The following SRI variants were observed in gnomAD, a reference collection of about 807,000 sequenced individuals.
SRI encodes the protein 22 kDa protein.
Under a neutral mutation model 33.3 loss-of-function variants are expected in SRI, and 30 were observed. That is an observed-to-expected ratio of 0.90 (90% CI 0.67 to 1.22). SRI has a LOEUF of 1.22. Among genes scored for constraint, SRI ranks in the 50% most tolerant of loss-of-function variants. The probability of loss-of-function intolerance (pLI) is 0.00; values close to 1 mark genes in which losing one functional copy is unlikely to be tolerated. For missense variants in SRI, 243 were observed against 250.8 expected, an observed-to-expected ratio of 0.97 and a Z score of 0.21; for synonymous variants, 75 against 89.9, an observed-to-expected ratio of 0.83 and a Z score of 0.94.
At chr7:88,210,644 CTG>C (rs1168126568) in intron 4 of SRI, 6 of 495,216 alleles carry the variant, frequency 1.2e-5, no homozygotes, top group Admixed American at 6.8e-5. Flanking sequence ...ACTCTGGACT[CTG>C]TACTTGTTCT....
At chr7:88,217,285 T>C in intron 2 of SRI, 94 bp from the exon 3 acceptor site, 1 of 1,042,816 alleles carries the variant, frequency 9.6e-7, no homozygotes, top group Non-Finnish European at 1.5e-6. Context: ...ACAAAGAAAA[T>C]CAGTATCTTT....
chr7:88,222,948 T>G (rs1302808230), upstream of SRI, among the ~76,000 whole-genome samples: 1 of 151,898 alleles, frequency 6.6e-6, no homozygotes, highest in Non-Finnish European at 1.5e-5. Flanking sequence ...GGGCAAGGAC[T>G]TCATGTCCAA....
chr7:88,207,439 T>A (rs552605638), intron 7 of SRI, among the ~76,000 whole-genome samples: 3 of 152,338 alleles, frequency 2.0e-5, no homozygotes, highest in South Asian at 4.1e-4. Context: ...CAAAAATACA[T>A]GCATCTTATA....
intron 7 of SRI, among the ~76,000 whole-genome samples, chr7:88,207,249 C>T (rs1004267845): frequency 1.3e-5 from 2 of 152,154 alleles, no homozygotes; most frequent in African/African-American, 4.8e-5. Context: ...AGTCAAAGCC[C>T]ATGGTCTTTC....
chr7:88,208,269 T>A, intron 7 of SRI: 2 of 1,061,716 alleles, frequency 1.9e-6, no homozygotes, highest in Non-Finnish European at 2.4e-6. Flanking sequence ...AGCTAATAAA[T>A]ACAACAAGCT....
At chr7:88,207,176 A>AT (rs1043527221) in intron 7 of SRI, among the ~76,000 whole-genome samples, 1 of 152,208 alleles carries the variant, frequency 6.6e-6, no homozygotes, top group African/African-American at 2.4e-5. Flanking sequence ...GATTATCCCT[A>AT]TTTTAGAGAA....
In SRI at chr7:88,205,900, G is replaced by A. The variant is rs1459307172; in HGVS notation, c.*578C>T. The A allele has an allele frequency of 6.5e-6, 1 of 153,008 alleles. No homozygotes were observed. The highest frequency in any genetic ancestry group is 2.4e-5 in the African/African-American group (1 of 41,408). 9.5% of individuals were successfully genotyped at this position (153,008 alleles called of 1,614,324 possible). On this transcript the variant is annotated 3_prime_UTR_variant, in exon 8 of 8. Coordinates refer to ENST00000265729, the MANE Select transcript of SRI (RefSeq NM_003130.4). The stretch of plus-strand genomic sequence containing the variant: ...ATAATGTACAAGATTTTTAAGGAGA[G>A]TTAACAAAGGTTTAAATAGATGACA...
chr7:88,219,869 G>C, intron 1 of SRI, 107 bp downstream of exon 1: 1 of 1,377,990 alleles, frequency 7.3e-7, no homozygotes, highest in Admixed American at 2.2e-5. Context: ...GAAGGAGCCC[G>C]GGTAGCCGCC....
At chr7:88,211,874 C>A (rs1169035106) in intron 3 of SRI, among the ~76,000 whole-genome samples, 1 of 152,172 alleles carries the variant, frequency 6.6e-6, no homozygotes, top group Non-Finnish European at 1.5e-5. Flanking sequence ...CATTTTGGTA[C>A]CTCACTTATG....
In SRI at chr7:88,206,079, C is replaced by G. The variant is rs1011887801; in HGVS notation, c.*399G>C. The stretch of plus-strand genomic sequence containing the variant: ...ACCCAAGTGCGTCTATGTCATTTAC[C>G]TAAGTTTTTATGTGTGGAGTATTCT... On this transcript the variant is annotated 3_prime_UTR_variant, in exon 8 of 8. Coordinates refer to ENST00000265729, the MANE Select transcript of SRI (RefSeq NM_003130.4). The G allele has an allele frequency of 2.1e-5, 4 of 192,408 alleles. No homozygotes were observed. The highest frequency in any genetic ancestry group is 5.5e-5 in the Admixed American group (1 of 18,056). The allele number at this position is 192,408 out of a possible 1,614,324, so 11.9% of individuals were successfully genotyped here. A position where few individuals can be genotyped will look rare whatever the true frequency, so the allele number is the denominator to read the frequency against.
In SRI at chr7:88,212,947, G is replaced by A. The variant is rs1470266721; in HGVS notation, c.206-2022C>T. Among the ~76,000 whole-genome samples, 3 of 152,140 alleles carry A rather than the reference G, an allele frequency of 2.0e-5. No homozygotes were observed. In the East Asian group the frequency reaches 5.8e-4, roughly 29 times the overall value. On this transcript the variant is annotated intron_variant, in intron 3 of 7. Coordinates refer to ENST00000265729, the MANE Select transcript of SRI (RefSeq NM_003130.4). ...CACAGCGCAGAGCCAACTGTGTTGGGCTCACATGAAGGTATTGAAGGGGCT... is the reference window on the plus strand; with the variant it reads ...CACAGCGCAGAGCCAACTGTGTTGGACTCACATGAAGGTATTGAAGGGGCT...
chr7:88,211,035 A>C (rs1283200055), intron 3 of SRI, 110 bp from the exon 4 acceptor site: 4 of 862,282 alleles, frequency 4.6e-6, no homozygotes, highest in Non-Finnish European at 5.6e-6. Flanking sequence ...TTTTATTTTT[A>C]TATGCTATCA....
In SRI at chr7:88,209,341, G is replaced by T. The variant is rs753206022; in HGVS notation, c.509C>A (p.Thr170Lys). The change falls in exon 6 of 8, where the codon ACA (threonine) becomes AAA (lysine). Residue 170 changes from threonine (T) to lysine (K), a missense_variant and splice_region_variant. Coordinates refer to ENST00000265729, the MANE Select transcript of SRI (RefSeq NM_003130.4). Reference protein sequence around the residue: ...IACCVKLRALTDSFRRRDTAQ... With the variant: ...IACCVKLRALKDSFRRRDTAQ... Reference sequence around the variant, plus strand: ...TGACACGACCTTATAGAACTCACCTGTAAGAGCCCTCAGTTTGACGCAGCA... The same window carrying T: ...TGACACGACCTTATAGAACTCACCTTTAAGAGCCCTCAGTTTGACGCAGCA... The T allele has an allele frequency of 2.5e-6, 4 of 1,612,972 alleles. No homozygotes were observed. The Admixed American group carries it at 5.0e-5, about 20-fold the overall frequency.
In SRI at chr7:88,205,674, G is replaced by A. The variant is rs1249857703; in HGVS notation, c.*804C>T. On this transcript the variant is annotated 3_prime_UTR_variant, in exon 8 of 8. Coordinates refer to ENST00000265729, the MANE Select transcript of SRI (RefSeq NM_003130.4). ...TGTATTTTTTAAAGTGTGAATACAT[G>A]GTATATCAAAATGGATGTATCAGTA... 6.6e-6 allele frequency: 1 copy of A among 151,864 alleles called. No individual in the cohort carries two copies. The highest frequency in any genetic ancestry group is 1.5e-5 in the Non-Finnish European group (1 of 67,964). The allele number at this position is 151,864 out of a possible 1,614,324, so 9.4% of individuals were successfully genotyped here.
At chr7:88,208,598 T>TC in intron 6 of SRI, 33 bp from the exon 7 acceptor site, 1 of 1,612,746 alleles carries the variant, frequency 6.2e-7, no homozygotes, top group East Asian at 2.2e-5. Flanking sequence ...TTATGGTTTT[T>TC]CTTTAAATGG....
At position 88,209,471 on chromosome 7, in the gene SRI, A is replaced by T; in HGVS notation, c.398-19T>A. On this transcript the variant is annotated intron_variant, in intron 5 of 7. Transcript: ENST00000265729. Reference sequence around the variant, plus strand: ...CTAAATCCTAAAAGAAAAGCCATCCAGTAAAAAGGTTAAAGGATTGCAGAA... The same window carrying T: ...CTAAATCCTAAAAGAAAAGCCATCCTGTAAAAAGGTTAAAGGATTGCAGAA... 6.3e-7 allele frequency: 1 copy of T among 1,591,652 alleles called. No homozygotes were observed. Among genetic ancestry groups the T allele is most frequent in the Non-Finnish European group, 8.6e-7 (1 of 1,159,454 alleles).
At chr7:88,223,752 T>G (rs1851939279), upstream of SRI, among the ~76,000 whole-genome samples, 1 of 152,328 alleles carries the variant, frequency 6.6e-6, no homozygotes, top group Non-Finnish European at 1.5e-5. Flanking sequence ...TGGGTCAGAT[T>G]TGGCCTTTGG....
At chr7:88,208,676 G>T in intron 6 of SRI, 111 bp from the exon 7 acceptor site, 1 of 1,481,952 alleles carries the variant, frequency 6.7e-7, no homozygotes. Flanking sequence ...TTTAAATTGT[G>T]CAACCAATTA....
intron 2 of SRI, 62 bp downstream of exon 2, chr7:88,218,797 T>C: frequency 8.5e-6 from 13 of 1,524,796 alleles, no homozygotes; most frequent in Non-Finnish European, 1.2e-5. Context: ...TGTGTCACTA[T>C]ATCAAAAGCT....
Sources: allele counts gnomAD v4.1 joint callset (sites outside exome capture counted in the v4.1 genomes callset), GRCh38; gene constraint gnomAD v4.1.1; transcripts MANE v1.5; gene names NCBI Gene and HGNC (gene_info 2026-07-23, HGNC 2026-07-21).